RBFOX1: variants seen among roughly 807,000 people sequenced by gnomAD.
RBFOX1 encodes RNA binding fox-1 homolog 1.
A neutral mutation model predicts 57.7 loss-of-function variants in RBFOX1; 8 were observed. The observed-to-expected ratio is 0.14, with a 90% CI of 0.08 to 0.25. The LOEUF (loss-of-function observed/expected upper bound fraction) is 0.25, where lower values mean the gene tolerates loss of function less well. Among genes scored for constraint, RBFOX1 ranks in the 10% least tolerant of loss-of-function variants. The pLI is 1.00. For missense variants in RBFOX1, 611 were observed against 548.5 expected (o/e 1.11, Z -1.14); for synonymous variants, 326 against 222.4 (o/e 1.47, Z -4.15).
intron 3 of RBFOX1, among the ~76,000 whole-genome samples, chr16:6,907,033 A>G (rs758216237): frequency 1.9e-4 from 29 of 151,740 alleles, no homozygotes; most frequent in Non-Finnish European, 3.4e-4. Flanking sequence ...TTGCAGAACT[A>G]AATTTAAAAC....
At chr16:5,784,122 G>A (rs1282235125) in intron 3 of RBFOX1, among the ~76,000 whole-genome samples, 2 of 152,126 alleles carry the variant, frequency 1.3e-5, no homozygotes, top group African/African-American at 4.8e-5. Flanking sequence ...CACGGCAGAA[G>A]GTGAAGAGGA....
chr16:5,755,960 G>A (rs2041593118), intron 3 of RBFOX1, among the ~76,000 whole-genome samples: 1 of 152,124 alleles, frequency 6.6e-6, no homozygotes. Context: ...AAGTAAAGGA[G>A]CAGGCAGACA....
intron 1 of RBFOX1, among the ~76,000 whole-genome samples, chr16:6,133,271 G>A (rs982181521): frequency 6.6e-6 from 1 of 152,132 alleles, no homozygotes; most frequent in East Asian, 1.9e-4. Context: ...AGAGTTGATT[G>A]TGCTATCTTC....
At chr16:7,625,927 T>A (rs1047832983) in intron 10 of RBFOX1, among the ~76,000 whole-genome samples, 4 of 152,174 alleles carry the variant, frequency 2.6e-5, no homozygotes, top group African/African-American at 9.7e-5. Flanking sequence ...GATAAACACA[T>A]GATTCCTGAT....
intron 4 of RBFOX1, among the ~76,000 whole-genome samples, chr16:7,473,214 C>G (rs951959484): frequency 1.3e-5 from 2 of 151,896 alleles, no homozygotes; most frequent in African/African-American, 4.8e-5. Context: ...GCCATTTCTA[C>G]TAAAAACACA....
chr16:6,038,533 T>C (rs1050958958), intron 1 of RBFOX1: 1 of 143,882 alleles, frequency 7.0e-6, no homozygotes, highest in Non-Finnish European at 1.5e-5. Context: ...TCCGTGGAGA[T>C]ATATATATAT....
At chr16:6,309,753 GAA>G (rs2080009006) in intron 1 of RBFOX1, among the ~76,000 whole-genome samples, 2 of 152,156 alleles carry the variant, frequency 1.3e-5, no homozygotes, top group Non-Finnish European at 2.9e-5. Context: ...GGGAGGAACA[GAA>G]GCAGACACAG....
At chr16:6,346,845 C>A (rs959021313) in intron 2 of RBFOX1, among the ~76,000 whole-genome samples, 2 of 152,048 alleles carry the variant, frequency 1.3e-5, no homozygotes, top group African/African-American at 4.8e-5. Context: ...AGAATAACCT[C>A]TTGACAAGAC....
intron 2 of RBFOX1, among the ~76,000 whole-genome samples, chr16:6,367,153 G>C (rs1360278103): frequency 1.3e-5 from 2 of 152,236 alleles, no homozygotes; most frequent in East Asian, 3.8e-4. Flanking sequence ...TAAAGTGAGA[G>C]CTTTGACGTC....
chr16:5,722,884 A>G (rs2051988574), intron 3 of RBFOX1, among the ~76,000 whole-genome samples: 1 of 151,966 alleles, frequency 6.6e-6, no homozygotes, highest in African/African-American at 2.4e-5. Context: ...GCCAGCTCTC[A>G]TTTTATCCTG....
chr16:7,439,349 G>T (rs935849878), intron 4 of RBFOX1, among the ~76,000 whole-genome samples: 1 of 147,988 alleles, frequency 6.8e-6, no homozygotes, highest in Non-Finnish European at 1.5e-5. Context: ...GCTAAAGAGT[G>T]CTGTGAAAGG....
chr16:6,617,408 C>A (rs939689083), intron 2 of RBFOX1, among the ~76,000 whole-genome samples: 5 of 151,978 alleles, frequency 3.3e-5, no homozygotes, highest in African/African-American at 1.2e-4. Context: ...TTATGACACT[C>A]ATGCAGAGGG....
intron 3 of RBFOX1, among the ~76,000 whole-genome samples, chr16:6,940,669 C>G (rs190772765): frequency 2.2e-4 from 33 of 152,228 alleles, no homozygotes; most frequent in African/African-American, 6.7e-4. Flanking sequence ...GCGATCTCAG[C>G]TCACTGCAAG....
intron 2 of RBFOX1, among the ~76,000 whole-genome samples, chr16:6,643,236 T>C (rs1217261009): frequency 6.6e-6 from 1 of 152,198 alleles, no homozygotes; most frequent in Non-Finnish European, 1.5e-5. Context: ...GCATAGGACT[T>C]GGTGCTTTCG....
At position 5,944,180 on chromosome 16, in the gene RBFOX1, C is replaced by T. The variant is rs549602023; in HGVS notation, c.351+76845C>T. Among the ~76,000 whole-genome samples, 10 of 152,292 alleles carry T rather than the reference C, an allele frequency of 6.6e-5. No individual in the cohort carries two copies. In the South Asian group the frequency reaches 8.3e-4, roughly 13 times the overall value. Reference sequence around the variant, plus strand: ...ATGGCCATTGATCTAATGACCTCAACGATGTGTGAACAATGATAAGATTGA... The same window carrying T: ...ATGGCCATTGATCTAATGACCTCAATGATGTGTGAACAATGATAAGATTGA... On this transcript the variant is annotated intron_variant, in intron 4 of 19. Transcript: ENST00000641259.
At chr16:6,082,425 C>A (rs1286536556) in intron 1 of RBFOX1, among the ~76,000 whole-genome samples, 1 of 138,208 alleles carries the variant, frequency 7.2e-6, no homozygotes, top group Non-Finnish European at 1.5e-5. Context: ...GAACTCCTGA[C>A]CTCAGAGTGC....
chr16:5,330,179 C>T (rs1481696942), intron 1 of RBFOX1, among the ~76,000 whole-genome samples: 1 of 152,106 alleles, frequency 6.6e-6, no homozygotes, highest in Non-Finnish European at 1.5e-5. Flanking sequence ...TTTCAACATA[C>T]ACATTTTGGG....
At chr16:6,699,693 A>G (rs2061545532) in intron 3 of RBFOX1, among the ~76,000 whole-genome samples, 1 of 152,190 alleles carries the variant, frequency 6.6e-6, no homozygotes, top group African/African-American at 2.4e-5. Flanking sequence ...GCATTGGGTT[A>G]ACACAGAAGG....
At chr16:7,267,749 G>T (rs1243945705) in intron 4 of RBFOX1, among the ~76,000 whole-genome samples, 1 of 152,084 alleles carries the variant, frequency 6.6e-6, no homozygotes, top group African/African-American at 2.4e-5. Context: ...CCAGCTACTT[G>T]GGAGGCTGAG....
Sources: allele counts gnomAD v4.1 joint callset (sites outside exome capture counted in the v4.1 genomes callset), GRCh38; gene constraint gnomAD v4.1.1; transcripts MANE v1.5; gene names NCBI Gene and HGNC (gene_info 2026-07-23, HGNC 2026-07-21).